TRIM5: variants seen among roughly 807,000 people sequenced by gnomAD.
The protein encoded by TRIM5 is tripartite motif-containing protein 5.
A neutral mutation model predicts 35.6 loss-of-function variants in TRIM5; 31 were observed. That is an observed-to-expected ratio of 0.87 (90% CI 0.65 to 1.18). TRIM5 has a LOEUF of 1.18. TRIM5 is among the 50% of genes most tolerant of loss of function. TRIM5 has a pLI of 0.00. For missense variants in TRIM5, 609 were observed against 591.6 expected (o/e 1.03, Z -0.31); for synonymous variants, 243 against 215.6 (o/e 1.13, Z -1.11).
chr11:5,679,218 C>T (rs1255117892), intron 2 of TRIM5, 49 bp from the exon 3 acceptor site: 69 of 1,498,790 alleles, frequency 4.6e-5, no homozygotes, highest in Non-Finnish European at 6.1e-5. Context: ...TTTTCCAGCA[C>T]CTAGATAGAG....
the TRIM5 span, chr11:5,608,333 C>T: frequency 6.2e-7 from 1 of 1,612,184 alleles, no homozygotes; most frequent in South Asian, 1.1e-5. Context: ...AGGGCATGAC[C>T]TGTTACTCCT....
At position 5,678,251 on chromosome 11, in the gene TRIM5, A is replaced by G. The variant is rs904254295; in HGVS notation, c.697T>C (p.Ser233Pro). ...QQTQSLRELI[S>P]DLEHRLQGSV... Reference sequence around the variant, plus strand: ...CCCTGCAGCCGATGCTCCAGATCTGAGATGAGCTCTCTCAGGGACTGGGTC... The same window carrying G: ...CCCTGCAGCCGATGCTCCAGATCTGGGATGAGCTCTCTCAGGGACTGGGTC... The change falls in exon 4 of 8, where the codon TCA becomes CCA. Residue 233 changes from serine (S) to proline (P), a missense_variant. Ser to Pro is a moderately conservative substitution (Grantham distance 74). Coordinates refer to ENST00000380034, the MANE Select transcript of TRIM5 (RefSeq NM_033034.3). 1 of 1,613,890 alleles carries G rather than the reference A, an allele frequency of 6.2e-7. No individual in the cohort carries two copies. The highest frequency in any genetic ancestry group is 1.3e-5 in the African/African-American group (1 of 74,898).
chr11:5,660,520 C>G (rs756295931), downstream of TRIM5, among the ~76,000 whole-genome samples: 8 of 152,234 alleles, frequency 5.3e-5, no homozygotes, highest in Non-Finnish European at 1.2e-4. Context: ...TGGGTGAGGG[C>G]ATGCAGTTTT....
the TRIM5 span, among the ~76,000 whole-genome samples, chr11:5,615,967 C>G: frequency 4.2e-5 from 6 of 143,290 alleles, no homozygotes; most frequent in African/African-American, 1.6e-4. Context: ...GAGTCTCGCT[C>G]TGTCTCCCAG....
the TRIM5 span, among the ~76,000 whole-genome samples, chr11:5,619,271 AAC>A: frequency 6.6e-6 from 1 of 152,210 alleles, no homozygotes; most frequent in Non-Finnish European, 1.5e-5. Flanking sequence ...ATGTCCTCAA[AAC>A]AGTTTCAGTG....
At chr11:5,675,473 G>T (rs1168719759) in intron 4 of TRIM5, among the ~76,000 whole-genome samples, 1 of 152,004 alleles carries the variant, frequency 6.6e-6, no homozygotes, top group East Asian at 1.9e-4. Flanking sequence ...AGACAGGGAG[G>T]AGGAGAAGCC....
At chr11:5,674,538 C>T (rs1257138883) in intron 4 of TRIM5, among the ~76,000 whole-genome samples, 2 of 152,240 alleles carry the variant, frequency 1.3e-5, no homozygotes, top group African/African-American at 4.8e-5. Context: ...TAACACTGGG[C>T]TCAACCTAGT....
the TRIM5 span, among the ~76,000 whole-genome samples, chr11:5,656,359 T>C: frequency 6.6e-6 from 1 of 151,380 alleles, no homozygotes; most frequent in Non-Finnish European, 1.5e-5. Context: ...CAGACACTTT[T>C]TTTTTTTTTT....
the TRIM5 span, among the ~76,000 whole-genome samples, chr11:5,607,534 G>T: frequency 6.6e-6 from 1 of 152,116 alleles, no homozygotes; most frequent in African/African-American, 2.4e-5. Context: ...TGGAGCACAA[G>T]ATAAAAAGAC....
chr11:5,593,848 T>A, the TRIM5 span, among the ~76,000 whole-genome samples: 1 of 152,158 alleles, frequency 6.6e-6, no homozygotes, highest in South Asian at 2.1e-4. Flanking sequence ...TGTGCCCTCT[T>A]TACCTTCAAA....
chr11:5,634,151 C>T, the TRIM5 span, among the ~76,000 whole-genome samples: 1 of 152,154 alleles, frequency 6.6e-6, no homozygotes, highest in African/African-American at 2.4e-5. Context: ...TGTTCCATTG[C>T]TCTTTTCCAA....
the TRIM5 span, chr11:5,643,162 C>T: frequency 1.3e-6 from 2 of 1,537,678 alleles, no homozygotes; most frequent in Non-Finnish European, 1.7e-6. Context: ...ACACTGAATT[C>T]AGTCAACCTA....
chr11:5,606,888 T>A, the TRIM5 span, among the ~76,000 whole-genome samples: 1 of 152,234 alleles, frequency 6.6e-6, no homozygotes, highest in African/African-American at 2.4e-5. Flanking sequence ...TCCATATCTG[T>A]GTGAATTGTT....
the TRIM5 span, among the ~76,000 whole-genome samples, chr11:5,647,074 G>A: frequency 6.6e-6 from 1 of 152,166 alleles, no homozygotes; most frequent in African/African-American, 2.4e-5. Flanking sequence ...TGTTTGAGAC[G>A]TATCAGGAGA....
At chr11:5,608,387 A>T in the TRIM5 span, 2 of 1,613,746 alleles carry the variant, frequency 1.2e-6, no homozygotes, top group Non-Finnish European at 1.7e-6. Context: ...GAGTGATGTC[A>T]CAGAAAGGTA....
the TRIM5 span, among the ~76,000 whole-genome samples, chr11:5,614,006 AGGTAAGACCTGG>A: frequency 6.6e-6 from 1 of 152,184 alleles, no homozygotes; most frequent in African/African-American, 2.4e-5. Context: ...GGAATTCTAT[AGGTAAGACCTGG>A]GGAAGGTTGC....
intron 4 of TRIM5, among the ~76,000 whole-genome samples, chr11:5,676,809 A>G (rs1203564098): frequency 6.6e-6 from 1 of 151,210 alleles, no homozygotes; most frequent in Admixed American, 6.6e-5. Flanking sequence ...CATATCTACA[A>G]CTATCTGATC....
At chr11:5,622,612 C>G in the TRIM5 span, among the ~76,000 whole-genome samples, 1 of 145,148 alleles carries the variant, frequency 6.9e-6, no homozygotes, top group Non-Finnish European at 1.5e-5. Context: ...GAACGAAACT[C>G]CATCTCAAAA....
At chr11:5,668,441 T>A (rs1265862590) in intron 4 of TRIM5, among the ~76,000 whole-genome samples, 1 of 151,056 alleles carries the variant, frequency 6.6e-6, no homozygotes, top group African/African-American at 2.5e-5. Flanking sequence ...ACTAAACAAG[T>A]ATAGATATTT....
Sources: allele counts gnomAD v4.1 joint callset (sites outside exome capture counted in the v4.1 genomes callset), GRCh38; gene constraint gnomAD v4.1.1; transcripts MANE v1.5; gene names NCBI Gene and HGNC (gene_info 2026-07-23, HGNC 2026-07-21).